C16orf74: variants seen among roughly 807,000 people sequenced by gnomAD.
The protein encoded by C16orf74 is uncharacterized protein C16orf74.
A neutral mutation model predicts 6.5 loss-of-function variants in C16orf74; 10 were observed. That is an observed-to-expected ratio of 1.54 (90% confidence interval 0.95 to 2.61). The LOEUF (loss-of-function observed/expected upper bound fraction) is 2.61. C16orf74 is among the 30% of genes most tolerant of loss of function. The pLI is 0.00. For synonymous variants in C16orf74, 60 were observed against 42.5 expected, an observed-to-expected ratio of 1.41 and a Z score of -1.60; for missense variants, 141 against 105.9, an observed-to-expected ratio of 1.33 and a Z score of -1.45.
At chr16:85,732,466 G>C (rs1027471897) in intron 2 of C16orf74, among the ~76,000 whole-genome samples, 5 of 151,976 alleles carry the variant, frequency 3.3e-5, no homozygotes. Flanking sequence ...AGGAGTTCAA[G>C]ACCAGCCTGG....
intron 2 of C16orf74, among the ~76,000 whole-genome samples, chr16:85,712,879 G>A (rs1426948081): frequency 6.6e-6 from 1 of 152,198 alleles, no homozygotes; most frequent in African/African-American, 2.4e-5. Context: ...TGGTTACACT[G>A]GGTGTCCAAA....
chr16:85,739,364 C>T (rs936886186), intron 1 of C16orf74, among the ~76,000 whole-genome samples: 9 of 152,150 alleles, frequency 5.9e-5, no homozygotes, highest in African/African-American at 1.9e-4. Flanking sequence ...TCACAGCCCA[C>T]CCGGTGGATT....
In C16orf74 at chr16:85,710,261, G is replaced by C; in HGVS notation, c.75C>G (p.Ala25=). ...VSSSSSSHDE[A]PVLNDKHLDV... is the part of the protein sequence containing the mutation. ...CCAGGTGCTTGTCGTTCAGGACGGG[G>C]GCCTCGTCGTGGCTGCTGCTGCTGC... The change falls in exon 3 of 4, where the codon GCC becomes GCG. Residue 25 remains alanine, a synonymous_variant. Transcript: ENST00000284245. 2 of 1,514,150 alleles carry C rather than the reference G, an allele frequency of 1.3e-6. No homozygotes were observed. The highest frequency in any genetic ancestry group is 1.8e-6 in the Non-Finnish European group (2 of 1,142,670). 93.8% of individuals were successfully genotyped at this position (1,514,150 alleles called of 1,614,324 possible). A position where few individuals can be genotyped will look rare whatever the true frequency, so the allele number is the denominator to read the frequency against.
At chr16:85,720,304 G>A (rs760424119) in intron 2 of C16orf74, among the ~76,000 whole-genome samples, 4 of 152,182 alleles carry the variant, frequency 2.6e-5, no homozygotes, top group South Asian at 2.1e-4. Flanking sequence ...GTGCCCAGCC[G>A]CCTGGCTCTG....
intron 2 of C16orf74, among the ~76,000 whole-genome samples, chr16:85,716,072 C>T (rs1303279436): frequency 6.6e-6 from 1 of 152,158 alleles, no homozygotes; most frequent in African/African-American, 2.4e-5. Flanking sequence ...AGGGAGCTTC[C>T]CTGCTCAGTC....
chr16:85,738,386 G>A (rs1166709886), intron 1 of C16orf74, among the ~76,000 whole-genome samples: 4 of 150,172 alleles, frequency 2.7e-5, no homozygotes, highest in South Asian at 2.1e-4. Flanking sequence ...GTGCAGTGGC[G>A]TGACCTTGGC....
At chr16:85,731,773 G>C (rs1289372253) in intron 2 of C16orf74, among the ~76,000 whole-genome samples, 1 of 151,922 alleles carries the variant, frequency 6.6e-6, no homozygotes, top group African/African-American at 2.4e-5. Flanking sequence ...CTGCAGCCTT[G>C]ACTTCCTGGG....
chr16:85,708,032 A>G lies in C16orf74; in HGVS notation c.207T>C (p.Asp69=). Residue 69 remains aspartate, a synonymous_variant, in exon 4 of 4, where the codon GAT becomes GAC. Coordinates refer to ENST00000284245, the MANE Select transcript of C16orf74 (RefSeq NM_206967.3). The stretch of plus-strand genomic sequence containing the variant: ...CTCAGGCTTCTGGGTCGATTTCTCC[A>G]TCATCTGGGCACGACCCTGTCTCAT... ...WLDETGSCPD[D]GEIDPEA 6.4e-7 allele frequency: 1 copy of G among 1,553,524 alleles called. No individual in the cohort carries two copies. Among genetic ancestry groups the G allele is most frequent in the Non-Finnish European group, 8.7e-7 (1 of 1,147,968 alleles).
At chr16:85,730,371 T>C (rs1298414904) in intron 2 of C16orf74, among the ~76,000 whole-genome samples, 1 of 152,070 alleles carries the variant, frequency 6.6e-6, no homozygotes. Flanking sequence ...CTATCTGTAA[T>C]GTAAGGCTTT....
intron 1 of C16orf74, among the ~76,000 whole-genome samples, chr16:85,737,261 G>A (rs1023238889): frequency 6.6e-6 from 1 of 152,104 alleles, no homozygotes; most frequent in African/African-American, 2.4e-5. Flanking sequence ...ATGGCCCATG[G>A]AACAGCAGCA....
At chr16:85,713,656 A>C (rs1479725371) in intron 2 of C16orf74, among the ~76,000 whole-genome samples, 4 of 152,128 alleles carry the variant, frequency 2.6e-5, no homozygotes, top group African/African-American at 9.7e-5. Flanking sequence ...AACTCATTAC[A>C]CCTGCAAAGA....
intron 1 of C16orf74, among the ~76,000 whole-genome samples, chr16:85,740,460 T>C (rs958958663): frequency 2.0e-5 from 3 of 151,342 alleles, no homozygotes; most frequent in Admixed American, 6.6e-5. Context: ...CCCAGCACTT[T>C]GGGAGGCTGA....
chr16:85,734,884 C>T (rs2152063903), intron 2 of C16orf74, among the ~76,000 whole-genome samples: 1 of 152,308 alleles, frequency 6.6e-6, no homozygotes, highest in East Asian at 1.9e-4. Context: ...ATGCCTGGCT[C>T]CTTCGCAAAG....
chr16:85,744,242 A>G (rs1460033538), intron 1 of C16orf74: 2 of 149,722 alleles, frequency 1.3e-5, no homozygotes, highest in African/African-American at 4.9e-5. Flanking sequence ...AAAAAAAAAA[A>G]AAAAAGAAAA....
chr16:85,745,139 T>TAAAAAAAAAAAAAAAAAAAA (rs10554549), intron 1 of C16orf74, among the ~76,000 whole-genome samples: 1 of 51,010 alleles, frequency 2.0e-5, no homozygotes, highest in African/African-American at 9.0e-5. Flanking sequence ...AAACTCTGTC[T>TAAAAAAAAAAAAAAAAAAAA]AAAAAAAAAA....
chr16:85,742,960 T>A (rs1238476196), intron 1 of C16orf74, among the ~76,000 whole-genome samples: 1 of 152,238 alleles, frequency 6.6e-6, no homozygotes, highest in Non-Finnish European at 1.5e-5. Flanking sequence ...TCATTGTTGC[T>A]GCCACCTTTA....
At chr16:85,722,315 C>A (rs2054091114) in intron 2 of C16orf74, among the ~76,000 whole-genome samples, 1 of 152,180 alleles carries the variant, frequency 6.6e-6, no homozygotes, top group South Asian at 2.1e-4. Flanking sequence ...GTAGTATAAG[C>A]AGGCCGATTC....
chr16:85,747,949 G>T (rs2054391784), intron 1 of C16orf74, among the ~76,000 whole-genome samples: 1 of 151,922 alleles, frequency 6.6e-6, no homozygotes, highest in Non-Finnish European at 1.5e-5. Flanking sequence ...TTAGCCAGGT[G>T]TGGCACAGGT....
At chr16:85,733,891 G>A (rs1203256171) in intron 2 of C16orf74, among the ~76,000 whole-genome samples, 1 of 152,184 alleles carries the variant, frequency 6.6e-6, no homozygotes, top group African/African-American at 2.4e-5. Flanking sequence ...CGGTGTTGGA[G>A]GAGCTGTCAA....
Sources: gnomAD v4.1 joint callset for allele counts (sites outside exome capture counted in the v4.1 genomes callset) on GRCh38, gnomAD v4.1.1 for gene constraint, MANE v1.5 for transcripts, NCBI Gene and HGNC (gene_info 2026-07-23, HGNC 2026-07-21) for gene names.